Variants in HDX observed in about 807,000 individuals in gnomAD.
The protein encoded by HDX is highly divergent homeobox, also known as chromosome X open reading frame 43.
Under a neutral mutation model 45.2 loss-of-function variants are expected in HDX, and 19 were observed. The observed-to-expected ratio is 0.42, with a 90% CI of 0.29 to 0.62. HDX has a LOEUF of 0.62. HDX is among the 20% of genes least tolerant of loss of function. HDX has a pLI of 0.20. For missense variants in HDX, 532 were observed against 493.9 expected, an observed-to-expected ratio of 1.08 and a Z score of -0.73; for synonymous variants, 188 against 172.8, an observed-to-expected ratio of 1.09 and a Z score of -0.69.
At chrX:84,326,564 C>G (rs917988394) in intron 9 of HDX, among the ~76,000 whole-genome samples, 3 of 111,085 alleles carry the variant, frequency 2.7e-5, no homozygotes, top group African/African-American at 9.8e-5. Flanking sequence ...CAAAAAACAG[C>G]TCCCTTCTTG....
intron 5 of HDX, among the ~76,000 whole-genome samples, chrX:84,411,175 C>T (rs2038977195): frequency 9.0e-6 from 1 of 111,495 alleles, no homozygotes; most frequent in Non-Finnish European, 1.9e-5. Context: ...TTAGCTCTGA[C>T]TTTGGTTATT....
At chrX:84,445,042 CTAATTA>C (rs1279223472) in intron 4 of HDX, among the ~76,000 whole-genome samples, 3 of 111,585 alleles carry the variant, frequency 2.7e-5, no homozygotes, top group Non-Finnish European at 5.7e-5. Context: ...AAAATTTATT[CTAATTA>C]TTTTATGTAG....
intron 2 of HDX, among the ~76,000 whole-genome samples, chrX:84,478,395 G>A (rs746546672): frequency 9.0e-6 from 1 of 111,568 alleles, no homozygotes; most frequent in South Asian, 3.7e-4. Flanking sequence ...GCTTCCTTAG[G>A]TGTTCCAGAT....
chrX:84,468,641 G>A lies in HDX; in HGVS notation c.1082C>T (p.Ser361Leu). The change falls in exon 4 of 11, where the codon TCA becomes TTA. Residue 361 changes from serine to leucine, a missense_variant. Ser to Leu is a moderately radical substitution (Grantham distance 145, BLOSUM62 -2). Transcript: ENST00000373177. Reference protein sequence around the residue: ...NSQMVNIRDMSDNVLYQNRNY... With the variant: ...NSQMVNIRDMLDNVLYQNRNY... ...TCTGTTTTGATACAGTACATTGTCT[G>A]ACATATCTCTAATATTCACCATTTG... 1 of 1,207,266 alleles carries A rather than the reference G, an allele frequency of 8.3e-7. No homozygotes were observed. Among genetic ancestry groups the A allele is most frequent in the Non-Finnish European group, 1.1e-6 (1 of 891,569 alleles).
rs764228278 is a variant in HDX at position 84,440,551 on chromosome X, C to T, written c.1286G>A (p.Gly429Glu). 1.7e-6 allele frequency: 2 copies of T among 1,184,836 alleles called. No homozygotes were observed. Among genetic ancestry groups the T allele is most frequent in the Non-Finnish European group, 2.3e-6 (2 of 873,968 alleles). Residue 429 changes from glycine (G) to glutamate (E), a missense_variant, in exon 5 of 11, where the codon GGG becomes GAG. By Grantham distance (98) the Gly-to-Glu change is moderately conservative. Around this residue, in one of 3 missense-constraint regions of HDX, gnomAD observed 376 missense variants for 343.7 expected, o/e 1.09. Coordinates refer to ENST00000373177, the MANE Select transcript of HDX (RefSeq NM_001177479.2). ...ACTTACTGCTCTTTTTCTAGAACAC[C>T]CTGTAATCCAAGGCACAGTAAGGTT... ...SGNLTVPWIT[G>E]CSRKRALQDR...
intron 5 of HDX, among the ~76,000 whole-genome samples, chrX:84,372,030 T>C (rs185456858): frequency 1.7e-3 from 196 of 112,102 alleles, no homozygotes; most frequent in Non-Finnish European, 2.6e-3. Context: ...AAATGTAATT[T>C]GAAAGAATTC....
chrX:84,472,550 A>G (rs1204547023), intron 3 of HDX, among the ~76,000 whole-genome samples: 2 of 111,720 alleles, frequency 1.8e-5, no homozygotes, highest in Non-Finnish European at 3.8e-5. Flanking sequence ...AAAATTGTTC[A>G]CTAAACATTG....
intron 4 of HDX, among the ~76,000 whole-genome samples, chrX:84,446,860 G>A (rs1488168050): frequency 2.7e-5 from 3 of 112,158 alleles, no homozygotes; most frequent in Non-Finnish European, 5.6e-5. Context: ...TGGGGGAAGT[G>A]TGGTGGCCTG....
chrX:84,385,196 CTTTTTTTTTTTTTTT>C (rs146043472), intron 5 of HDX, among the ~76,000 whole-genome samples: 2 of 29,536 alleles, frequency 6.8e-5, no homozygotes, highest in East Asian at 1.5e-3. Flanking sequence ...TCTCTGATTT[CTTTTTTTTTTTTTTT>C]TTTTTTTTTT....
chrX:84,455,372 T>G (rs1368777311), intron 4 of HDX, among the ~76,000 whole-genome samples: 1 of 111,744 alleles, frequency 8.9e-6, no homozygotes, highest in Non-Finnish European at 1.9e-5. Context: ...ACAAAGAGAC[T>G]GAAATAACTA....
At chrX:84,466,959 G>T (rs1700771522) in intron 4 of HDX, among the ~76,000 whole-genome samples, 1 of 111,317 alleles carries the variant, frequency 9.0e-6, no homozygotes, top group Non-Finnish European at 1.9e-5. Flanking sequence ...AATGGTAAGT[G>T]TTATTGTTAC....
intron 1 of HDX, among the ~76,000 whole-genome samples, chrX:84,493,088 T>C (rs766717184): frequency 4.6e-4 from 51 of 110,976 alleles, no homozygotes; most frequent in Middle Eastern, 4.8e-3. Flanking sequence ...ATTTTTGTAT[T>C]TTAGTAGAGA....
chrX:84,343,254 T>G (rs751420822), intron 7 of HDX, among the ~76,000 whole-genome samples: 3 of 110,451 alleles, frequency 2.7e-5, no homozygotes, highest in African/African-American at 9.9e-5. Context: ...ATATTTAAAA[T>G]GAATGATTTT....
intron 4 of HDX, among the ~76,000 whole-genome samples, chrX:84,453,889 A>G (rs1213205265): frequency 8.9e-6 from 1 of 112,073 alleles, no homozygotes; most frequent in Non-Finnish European, 1.9e-5. Context: ...CAGCTCAGCC[A>G]CAATAAGATA....
intron 5 of HDX, among the ~76,000 whole-genome samples, chrX:84,423,068 C>A (rs886863848): frequency 9.0e-6 from 1 of 110,622 alleles, no homozygotes; most frequent in Non-Finnish European, 1.9e-5. Flanking sequence ...GACATTACAA[C>A]TGATACTGCA....
At chrX:84,376,941 G>C (rs1362679947) in intron 5 of HDX, among the ~76,000 whole-genome samples, 1 of 111,761 alleles carries the variant, frequency 8.9e-6, no homozygotes, top group African/African-American at 3.3e-5. Flanking sequence ...CAGACCTTGG[G>C]AGAGACCACA....
At chrX:84,354,745 G>A (rs970407645) in intron 6 of HDX, among the ~76,000 whole-genome samples, 2 of 108,106 alleles carry the variant, frequency 1.9e-5, no homozygotes, top group Non-Finnish European at 3.8e-5. Flanking sequence ...ATTTGGGGAA[G>A]GGAAACATAA....
intron 4 of HDX, among the ~76,000 whole-genome samples, chrX:84,455,652 G>C (rs1202889252): frequency 8.9e-6 from 1 of 111,903 alleles, no homozygotes; most frequent in Non-Finnish European, 1.9e-5. Flanking sequence ...GGAGTATAAA[G>C]TTTATTCAAA....
At chrX:84,460,374 A>C (rs1366723713) in intron 4 of HDX, among the ~76,000 whole-genome samples, 1 of 112,427 alleles carries the variant, frequency 8.9e-6, no homozygotes, top group Non-Finnish European at 1.9e-5. Flanking sequence ...CAGAAACTTA[A>C]AGATGGTTAA....
Sources: allele counts gnomAD v4.1 joint callset (sites outside exome capture counted in the v4.1 genomes callset), GRCh38; gene constraint gnomAD v4.1.1; regional missense constraint gnomAD v4.1.1; transcripts MANE v1.5; gene names NCBI Gene and HGNC (gene_info 2026-07-23, HGNC 2026-07-21).